FHOD3: variants seen among roughly 807,000 people sequenced by gnomAD.
FHOD3 encodes the protein FH1/FH2 domain-containing protein 3.
A neutral mutation model predicts 173.0 loss-of-function variants in FHOD3; 90 were observed. The ratio of observed to expected loss-of-function variants is 0.52; its 90% CI spans 0.44 to 0.62. The LOEUF (loss-of-function observed/expected upper bound fraction) is 0.62. Among genes scored for constraint, FHOD3 ranks in the 20% least tolerant of loss-of-function variants. The pLI is 0.00. For missense variants in FHOD3, 1,945 were observed against 2,034.7 expected, an observed-to-expected ratio of 0.96 and a Z score of 0.85; for synonymous variants, 828 against 823.0, an observed-to-expected ratio of 1.01 and a Z score of -0.10.
intron 27 of FHOD3, among the ~76,000 whole-genome samples, chr18:36,765,315 G>C (rs1241335773): frequency 6.6e-6 from 1 of 152,174 alleles, no homozygotes; most frequent in Non-Finnish European, 1.5e-5. Flanking sequence ...CTGCTGTCTG[G>C]CCTAAACCCA....
intron 13 of FHOD3, among the ~76,000 whole-genome samples, chr18:36,657,603 A>G (rs1255505279): frequency 6.6e-6 from 1 of 152,224 alleles, no homozygotes; most frequent in African/African-American, 2.4e-5. Context: ...GATTACATTT[A>G]ATCAGTGAAA....
At chr18:36,423,267 A>T (rs1272374290) in intron 3 of FHOD3, among the ~76,000 whole-genome samples, 1 of 152,172 alleles carries the variant, frequency 6.6e-6, no homozygotes, top group Non-Finnish European at 1.5e-5. Context: ...TAATGCCATG[A>T]TTACAATTTT....
chr18:36,467,863 A>G (rs2053036362), intron 3 of FHOD3, among the ~76,000 whole-genome samples: 1 of 152,238 alleles, frequency 6.6e-6, no homozygotes, highest in Non-Finnish European at 1.5e-5. Context: ...AGGTGGCTCC[A>G]GGCGTTCTGC....
chr18:36,690,364 T>C (rs557515679), intron 16 of FHOD3, among the ~76,000 whole-genome samples: 4 of 152,278 alleles, frequency 2.6e-5, no homozygotes, highest in Admixed American at 6.5e-5. Flanking sequence ...GAAAGCCCGG[T>C]GCTTCCCACA....
At position 36,534,462 on chromosome 18, in the gene FHOD3, C is replaced by A. The variant is rs143976080; in HGVS notation, c.511+21919C>A. On this transcript the variant is annotated intron_variant, in intron 5 of 28. Coordinates refer to ENST00000590592, the MANE Select transcript of FHOD3 (RefSeq NM_001281740.3). ...TGACTGGCAGAGGTGGGACTATTTTCTTTTATTTTATTTATTTATTTTTTA... is the reference window on the plus strand; with the variant it reads ...TGACTGGCAGAGGTGGGACTATTTTATTTTATTTTATTTATTTATTTTTTA... Among the ~76,000 whole-genome samples the A allele has an allele frequency of 2.2e-3, 330 of 151,600 alleles. 2 individuals carry two copies. Among genetic ancestry groups the A allele is most frequent in the African/African-American group, 7.0e-3 (289 of 41,416 alleles).
At chr18:36,455,545 A>G (rs935272839) in intron 3 of FHOD3, among the ~76,000 whole-genome samples, 5 of 150,276 alleles carry the variant, frequency 3.3e-5, no homozygotes, top group Non-Finnish European at 5.9e-5. Flanking sequence ...CCATTTAGAC[A>G]GATGTCGGCA....
rs1372529698 is a variant in FHOD3, at chr18:36,740,791, C to T, written c.3712C>T (p.Arg1238Ter). 3 of 1,613,920 alleles carry T rather than the reference C, an allele frequency of 1.9e-6. No individual in the cohort carries two copies. Among genetic ancestry groups the T allele is most frequent in the African/African-American group, 1.3e-5 (1 of 74,884 alleles). The change falls in exon 21 of 29, where the codon CGA becomes TGA. Residue 1238 changes from arginine (R) to a stop codon, truncating the protein, a stop_gained. Coordinates refer to ENST00000590592, the MANE Select transcript of FHOD3 (RefSeq NM_001281740.3). LOFTEE classifies it high-confidence loss of function. Reference sequence around the variant, plus strand: ...GTCCTCCATCAGCGAGCTCTCTGCACGACTTCACCTCTGGGCATTCAAAAT... The same window carrying T: ...GTCCTCCATCAGCGAGCTCTCTGCATGACTTCACCTCTGGGCATTCAAAAT... Reference protein sequence around the residue: ...TLSSISELSARLHLWAFKMDY... With the variant: ...TLSSISELSA
chr18:36,652,691 G>C lies in FHOD3; in HGVS notation c.1408G>C (p.Gly470Arg), dbSNP rs747392790. 1.9e-4 allele frequency: 292 copies of C among 1,535,636 alleles called. No individual in the cohort carries two copies. Among genetic ancestry groups the C allele is most frequent in the Non-Finnish European group, 2.4e-4 (280 of 1,146,686 alleles). The change falls in exon 12 of 29, where the codon GGC becomes CGC. Residue 470 changes from glycine (G) to arginine (R), a missense_variant. Transcript: ENST00000590592. Reference protein sequence around the residue: ...QGKPLLVGTAGGTTWHSGSSG... With the variant: ...QGKPLLVGTARGTTWHSGSSG... Reference sequence around the variant, plus strand: ...AAAGCCGCTTCTGGTTGGCACTGCAGGCGGGACCACCTGGCACAGTGGGTC... The same window carrying C: ...AAAGCCGCTTCTGGTTGGCACTGCACGCGGGACCACCTGGCACAGTGGGTC...
intron 7 of FHOD3, 141 bp downstream of exon 7, chr18:36,595,039 TAGGATAGTA>T: frequency 1.7e-6 from 1 of 596,204 alleles, no homozygotes; most frequent in East Asian, 3.0e-5. Flanking sequence ...AAACGTTTTT[TAGGATAGTA>T]AGCACACAAA....
At chr18:36,372,657 T>G (rs909031570) in intron 2 of FHOD3, 23 bp from the exon 3 acceptor site, 1 of 1,612,176 alleles carries the variant, frequency 6.2e-7, no homozygotes, top group South Asian at 1.1e-5. Flanking sequence ...CTGATGCCCC[T>G]GTTTTGTCTC....
chr18:36,688,326 ATTG>A (rs1364846767), intron 16 of FHOD3, among the ~76,000 whole-genome samples: 1 of 152,220 alleles, frequency 6.6e-6, no homozygotes, highest in Non-Finnish European at 1.5e-5. Flanking sequence ...AAGAAGTAGA[ATTG>A]TGCTAATTTT....
At chr18:36,756,749 G>A (rs879513837) in intron 25 of FHOD3, among the ~76,000 whole-genome samples, 7 of 152,144 alleles carry the variant, frequency 4.6e-5, no homozygotes, top group Non-Finnish European at 1.0e-4. Flanking sequence ...TGTTTTCTTG[G>A]AATTTTCTGG....
At chr18:36,643,934 GA>G (rs1270260290) in intron 10 of FHOD3, among the ~76,000 whole-genome samples, 3 of 152,118 alleles carry the variant, frequency 2.0e-5, no homozygotes, top group African/African-American at 7.2e-5. Flanking sequence ...TCGTGTTTCT[GA>G]AAGAGCTCAG....
At chr18:36,512,114 G>A (rs373102648) in intron 4 of FHOD3, among the ~76,000 whole-genome samples, 1 of 152,352 alleles carries the variant, frequency 6.6e-6, no homozygotes, top group East Asian at 1.9e-4. Context: ...CAGTCCCTTG[G>A]GACCGTGGGG....
chr18:36,554,089 A>C (rs1457981443), intron 5 of FHOD3, among the ~76,000 whole-genome samples: 2 of 152,212 alleles, frequency 1.3e-5, no homozygotes, highest in African/African-American at 4.8e-5. Flanking sequence ...CAATTCCTCA[A>C]GGATCTAGAA....
intron 18 of FHOD3, among the ~76,000 whole-genome samples, chr18:36,712,778 A>C (rs2149707908): frequency 6.6e-6 from 1 of 152,198 alleles, no homozygotes. Context: ...AGCAAACCCC[A>C]AACAAGACAA....
At chr18:36,561,476 G>A (rs978294195) in intron 5 of FHOD3, among the ~76,000 whole-genome samples, 7 of 152,152 alleles carry the variant, frequency 4.6e-5, no homozygotes, top group South Asian at 2.1e-4. Flanking sequence ...CCTTAGTTGC[G>A]TTTATGATTT....
At chr18:36,714,619 A>G (rs2040350961) in intron 18 of FHOD3, among the ~76,000 whole-genome samples, 1 of 152,192 alleles carries the variant, frequency 6.6e-6, no homozygotes, top group Admixed American at 6.5e-5. Context: ...TAAATGGAGA[A>G]AGAGCAAGGC....
chr18:36,409,173 G>T (rs547912407), intron 3 of FHOD3, among the ~76,000 whole-genome samples: 1 of 148,684 alleles, frequency 6.7e-6, no homozygotes, highest in Non-Finnish European at 1.5e-5. Flanking sequence ...AAACCTTCTT[G>T]GGGGGGTAAT....
Sources: gnomAD v4.1 joint callset for allele counts (sites outside exome capture counted in the v4.1 genomes callset) on GRCh38, gnomAD v4.1.1 for gene constraint, MANE v1.5 for transcripts, NCBI Gene and HGNC (gene_info 2026-07-23, HGNC 2026-07-21) for gene names.